Variants in EHF observed in about 807,000 individuals in gnomAD.
The protein encoded by EHF is ETS homologous factor.
EHF carries 14 observed loss-of-function variants against 45.1 expected under a neutral mutation model. The ratio of observed to expected loss-of-function variants is 0.31; its 90% CI spans 0.21 to 0.49. The LOEUF is 0.49. Ranked by LOEUF, EHF falls within the 20% of genes least tolerant of loss-of-function variation. The pLI is 0.99. For missense variants in EHF, 282 were observed against 371.4 expected (o/e 0.76, Z 1.98); for synonymous variants, 136 against 131.8 (o/e 1.03, Z -0.22).
chr11:34,627,234 C>T (rs1852458111), intron 1 of EHF, among the ~76,000 whole-genome samples: 1 of 151,698 alleles, frequency 6.6e-6, no homozygotes, highest in African/African-American at 2.4e-5. Flanking sequence ...GATGCATGAA[C>T]CATATTAAGG....
intron 1 of EHF, among the ~76,000 whole-genome samples, chr11:34,631,091 GCA>G (rs1852850068): frequency 6.6e-6 from 1 of 152,144 alleles, no homozygotes; most frequent in Non-Finnish European, 1.5e-5. Flanking sequence ...GTGTGCAGTG[GCA>G]CAGTCATGGC....
rs1249708823 is a variant in EHF, at chr11:34,663,090, T to A, written c.*4159T>A. 1.3e-5 allele frequency among the ~76,000 whole-genome samples: 2 copies of A among 152,154 alleles called. No individual in the cohort carries two copies. Among genetic ancestry groups the A allele is most frequent in the Non-Finnish European group, 2.9e-5 (2 of 68,016 alleles). ...ATTCTTGTTTTTCTTTCCATCTGGCTCCTGGGTTGACAATTTGTGGAAACA... is the reference window on the plus strand; with the variant it reads ...ATTCTTGTTTTTCTTTCCATCTGGCACCTGGGTTGACAATTTGTGGAAACA... On this transcript the variant is annotated 3_prime_UTR_variant, in exon 9 of 9. Coordinates refer to ENST00000257831, the MANE Select transcript of EHF (RefSeq NM_012153.6).
chr11:34,653,003 TG>T (rs1855326107), intron 6 of EHF, among the ~76,000 whole-genome samples: 1 of 152,208 alleles, frequency 6.6e-6, no homozygotes, highest in Non-Finnish European at 1.5e-5. Flanking sequence ...TTTGCTATTC[TG>T]GGGGAACTGA....
intron 3 of EHF, 30 bp downstream of exon 3, chr11:34,646,714 C>T (rs765072518): frequency 6.2e-7 from 1 of 1,602,426 alleles, no homozygotes; most frequent in Non-Finnish European, 8.5e-7. Flanking sequence ...TCTCTCCCTA[C>T]CCTGCTAGGA....
intron 1 of EHF, among the ~76,000 whole-genome samples, chr11:34,625,119 A>G (rs117514990): frequency 2.0e-5 from 3 of 152,312 alleles, no homozygotes; most frequent in African/African-American, 7.2e-5. Flanking sequence ...GAGGCAGGAA[A>G]GATTAGCAAG....
intron 1 of EHF, among the ~76,000 whole-genome samples, chr11:34,623,024 G>T (rs1439524046): frequency 6.6e-6 from 1 of 152,148 alleles, no homozygotes; most frequent in East Asian, 1.9e-4. Context: ...TTATGAAAAG[G>T]CTCAAATTCA....
At chr11:34,651,643 CA>C in intron 5 of EHF, 33 bp downstream of exon 5, 1 of 1,608,554 alleles carries the variant, frequency 6.2e-7, no homozygotes, top group Non-Finnish European at 8.5e-7. Context: ...AGGCCCTTTA[CA>C]TTCTTATTCA....
intron 1 of EHF, among the ~76,000 whole-genome samples, chr11:34,640,026 T>G (rs1853828824): frequency 6.6e-6 from 1 of 151,994 alleles, no homozygotes; most frequent in Non-Finnish European, 1.5e-5. Context: ...TAAATTCTTT[T>G]TTTTTTTTTC....
rs553771840 is a variant in EHF, at chr11:34,641,776, G to A, written c.-3-852G>A. Among the ~76,000 whole-genome samples the A allele has an allele frequency of 1.8e-4, 27 of 152,220 alleles. 1 individual carries two copies. In the South Asian group the frequency reaches 5.6e-3, roughly 32 times the overall value. On this transcript the variant is annotated intron_variant, in intron 1 of 8. Transcript: ENST00000257831. ...ACATTATAAATACTGGACAATTGAA[G>A]ACAATATTTCTGAAGTGTAAAATGT...
intron 4 of EHF, among the ~76,000 whole-genome samples, chr11:34,650,472 TA>T (rs1565041974): frequency 6.6e-6 from 1 of 152,196 alleles, no homozygotes; most frequent in Non-Finnish European, 1.5e-5. Context: ...CCCTATGTCG[TA>T]AACACGAGGA....
chr11:34,626,423 C>A (rs918792241), intron 1 of EHF, among the ~76,000 whole-genome samples: 1 of 152,152 alleles, frequency 6.6e-6, no homozygotes. Flanking sequence ...TAAAAAAAAT[C>A]TCCTCAGTAG....
intron 1 of EHF, chr11:34,622,191 T>G (rs1038250827): frequency 4.4e-6 from 1 of 225,248 alleles, no homozygotes; most frequent in Non-Finnish European, 9.0e-6. Context: ...CAGGCTGAGG[T>G]GAGAAAGCGA....
chr11:34,657,345 T>C (rs78722787), intron 7 of EHF, among the ~76,000 whole-genome samples: 16,105 of 152,264 alleles, frequency 0.11, 1,025 homozygotes, highest in Non-Finnish European at 0.15. Context: ...TTTTGCTAAA[T>C]GTTGGCCTCC....
At chr11:34,631,163 C>CAAACCTTATTCTTTGCAGTATTTGAGCA (rs1464401896) in intron 1 of EHF, among the ~76,000 whole-genome samples, 1 of 152,186 alleles carries the variant, frequency 6.6e-6, no homozygotes, top group Non-Finnish European at 1.5e-5. Flanking sequence ...TCCCAAGTAG[C>CAAACCTTATTCTTTGCAGTATTTGAGCA]TGGGACTACA....
chr11:34,646,520 A>T lies in EHF; in HGVS notation c.179A>T (p.Gln60Leu), dbSNP rs1590500476. Residue 60 changes from glutamine (Q) to leucine (L), a missense_variant, in exon 3 of 9, where the codon CAG becomes CTG. Transcript: ENST00000257831. ...AAGTACCAGGTGTGGGAGTGGCTCC[A>T]GCACCTCCTGGACACCAACCAGCTG... is the stretch of plus-strand genomic sequence containing the variant. ...WTKYQVWEWL[Q>L]HLLDTNQLDA... 1.2e-6 allele frequency: 2 copies of T among 1,614,076 alleles called. No individual in the cohort carries two copies. Among genetic ancestry groups the T allele is most frequent in the East Asian group, 4.5e-5 (2 of 44,876 alleles).
At chr11:34,630,239 C>T (rs1852750821) in intron 1 of EHF, among the ~76,000 whole-genome samples, 1 of 152,188 alleles carries the variant, frequency 6.6e-6, no homozygotes. Context: ...AACTATGTTG[C>T]TTTCCCCACC....
In EHF at chr11:34,660,733, G is replaced by A. The variant is rs1257704196; in HGVS notation, c.*1802G>A. ...ACCTCTCTTTCTCCAGCAATAATAT[G>A]CAAATGAAGACATGTATCCATAAGA... is the stretch of plus-strand genomic sequence containing the variant. On this transcript the variant is annotated 3_prime_UTR_variant, in exon 9 of 9. Coordinates refer to ENST00000257831, the MANE Select transcript of EHF (RefSeq NM_012153.6). 1.3e-5 allele frequency: 2 copies of A among 152,188 alleles called. No homozygotes were observed. The highest frequency in any genetic ancestry group is 1.3e-4 in the Admixed American group (2 of 15,260). The allele number at this position is 152,188 out of a possible 1,614,324, so 9.4% of individuals were successfully genotyped here. A position where few individuals can be genotyped will look rare whatever the true frequency, so the allele number is the denominator to read the frequency against.
In EHF at chr11:34,642,625, C is replaced by T. The variant is rs1854119755; in HGVS notation, c.-3-3C>T. 6.2e-7 allele frequency: 1 copy of T among 1,607,330 alleles called. No homozygotes were observed. Among genetic ancestry groups the T allele is most frequent in the African/African-American group, 1.3e-5 (1 of 74,904 alleles). On this transcript the variant is annotated splice_polypyrimidine_tract_variant and splice_region_variant and intron_variant, in intron 1 of 8. Coordinates refer to ENST00000257831, the MANE Select transcript of EHF (RefSeq NM_012153.6). ...CTGAACAGGCTGTTTGATCCCCTAACAGATCATGATTCTGGAAGGAGGTGG... is the reference window on the plus strand; with the variant it reads ...CTGAACAGGCTGTTTGATCCCCTAATAGATCATGATTCTGGAAGGAGGTGG...
rs115486148 is a variant in EHF at position 34,662,294 on chromosome 11, C to T, written c.*3363C>T. 4.6e-3 allele frequency among the ~76,000 whole-genome samples: 701 copies of T among 152,156 alleles called. 3 individuals are homozygous for T. The highest frequency in any genetic ancestry group is 0.015 in the African/African-American group (622 of 41,508). On this transcript the variant is annotated 3_prime_UTR_variant, in exon 9 of 9. Transcript: ENST00000257831. Reference sequence around the variant, plus strand: ...AGCACAACGGCACAACCTTCAAGGACATATTATCTACTATGAACATTTTAC... The same window carrying T: ...AGCACAACGGCACAACCTTCAAGGATATATTATCTACTATGAACATTTTAC...
Sources: gnomAD v4.1 joint callset for allele counts (sites outside exome capture counted in the v4.1 genomes callset) on GRCh38, gnomAD v4.1.1 for gene constraint, MANE v1.5 for transcripts, NCBI Gene and HGNC (gene_info 2026-07-23, HGNC 2026-07-21) for gene names.